The following MCFD2 variants were observed in gnomAD, a reference collection of about 807,000 sequenced individuals.
MCFD2 encodes multiple coagulation factor deficiency 2, ER cargo receptor complex subunit.
MCFD2 carries 11 observed loss-of-function variants against 12.8 expected under a neutral mutation model. The ratio of observed to expected loss-of-function variants is 0.86; its 90% CI spans 0.54 to 1.42. The LOEUF (loss-of-function observed/expected upper bound fraction) is 1.42. MCFD2 is among the 40% of genes most tolerant of loss of function. MCFD2 has a pLI of 0.00. For synonymous variants in MCFD2, 70 were observed against 68.1 expected, an observed-to-expected ratio of 1.03 and a Z score of -0.14; for missense variants, 191 against 178.6, an observed-to-expected ratio of 1.07 and a Z score of -0.40.
At chr2:46,916,150 T>C (rs1038319681), upstream of MCFD2, 4 of 985,408 alleles carry the variant, frequency 4.1e-6, no homozygotes, top group African/African-American at 7.0e-5. Flanking sequence ...CCAACTCCGC[T>C]CACCCCCTCC....
chr2:46,931,324 A>G (rs761417584), intron 1 of MCFD2, among the ~76,000 whole-genome samples: 2 of 152,242 alleles, frequency 1.3e-5, no homozygotes, highest in Non-Finnish European at 2.9e-5. Context: ...GGCCTCAAGC[A>G]ATCCTCTCGC....
At position 46,909,158 on chromosome 2, in the gene MCFD2, G is replaced by A. The variant is rs777983162; in HGVS notation, c.14C>T (p.Ser5Phe). Residue 5 changes from serine to phenylalanine, a missense_variant, in exon 2 of 4, where the codon TCC (serine) becomes TTC (phenylalanine). Ser to Phe is a radical substitution (Grantham distance 155, BLOSUM62 -2). Transcript: ENST00000319466. MTMR[S>F]LLRTPFLCGL... is the part of the protein sequence containing the mutation. ...ACACAGGAAGGGGGTTCTGAGCAGG[G>A]ATCTCATGGTCATCAATATCTGTGA... 1 of 1,614,056 alleles carries A rather than the reference G, an allele frequency of 6.2e-7. No homozygotes were observed. The highest frequency in any genetic ancestry group is 8.5e-7 in the Non-Finnish European group (1 of 1,179,946).
In MCFD2 at chr2:46,940,428, C is replaced by G. The variant is rs368584244; in HGVS notation, c.-8+1144G>C. Among the ~76,000 whole-genome samples, 308 of 152,298 alleles carry G rather than the reference C, an allele frequency of 2.0e-3. 3 individuals carry two copies. The South Asian group carries it at 0.027, about 14-fold the overall frequency. Reference sequence around the variant, plus strand: ...CCGGGCCCCTGTAAGAGGTCTCCCCCCAAGGGTGGACCTCGGCTGCCCCCG... The same window carrying G: ...CCGGGCCCCTGTAAGAGGTCTCCCCGCAAGGGTGGACCTCGGCTGCCCCCG... On this transcript the variant is annotated intron_variant, in intron 1 of 2. Coordinates refer to the MCFD2 transcript ENST00000409147. This position sits in a 1 kb window ranked among gnomAD's most constrained non-coding sequence, Gnocchi z 4.7.
At chr2:46,923,556 C>G (rs1350480469) in intron 1 of MCFD2, among the ~76,000 whole-genome samples, 1 of 151,968 alleles carries the variant, frequency 6.6e-6, no homozygotes. Context: ...TCTCTTTACT[C>G]TTTTTAACAC....
chr2:46,928,459 TAAAAAAAAAA>T (rs35897582), intron 1 of MCFD2, among the ~76,000 whole-genome samples: 3 of 81,990 alleles, frequency 3.7e-5, no homozygotes, highest in South Asian at 8.2e-4. Context: ...AAAGGGAAAT[TAAAAAAAAAA>T]AAAAAAAAAA....
At chr2:46,923,829 T>C (rs572039387) in intron 1 of MCFD2, among the ~76,000 whole-genome samples, 1 of 151,872 alleles carries the variant, frequency 6.6e-6, no homozygotes, top group South Asian at 2.1e-4. Context: ...GCCTCCCAGG[T>C]TCAAGCAAAT....
rs1343449612 is a variant in MCFD2 at position 46,908,949 on chromosome 2, A to C, written c.149+74T>G. 4 of 1,585,834 alleles carry C rather than the reference A, an allele frequency of 2.5e-6. No homozygotes were observed. Among genetic ancestry groups the C allele is most frequent in the Non-Finnish European group, 3.5e-6 (4 of 1,154,358 alleles). Reference sequence around the variant, plus strand: ...AACAGGAAGAAGGAAAGGAGGACTGAGCATGCCCTTGCCGCTGGCTCAGCT... The same window carrying C: ...AACAGGAAGAAGGAAAGGAGGACTGCGCATGCCCTTGCCGCTGGCTCAGCT... On this transcript the variant is annotated intron_variant, in intron 2 of 3. Transcript: ENST00000319466. This position sits in a 1 kb window ranked among gnomAD's most constrained non-coding sequence, Gnocchi z 4.5.
At chr2:46,923,321 A>C (rs1218915611) in intron 1 of MCFD2, among the ~76,000 whole-genome samples, 1 of 152,094 alleles carries the variant, frequency 6.6e-6, no homozygotes, top group East Asian at 1.9e-4. Context: ...CAACCTTCTA[A>C]TCACACCTTG....
chr2:46,915,773 G>GC lies in MCFD2; in HGVS notation c.-58dup. 1 of 943,758 alleles carries GC rather than the reference G, an allele frequency of 1.1e-6. No homozygotes were observed. The highest frequency in any genetic ancestry group is 1.2e-6 in the Non-Finnish European group (1 of 804,666). 58.5% of individuals were successfully genotyped at this position (943,758 alleles called of 1,614,324 possible). ...AAGCCCTCCAACGTGAGCCTCACCA[G>GC]CCCCCGTCCCCAAAACGCTCTTCCT... is the stretch of plus-strand genomic sequence containing the variant. On this transcript the variant is annotated 5_prime_UTR_variant, in exon 1 of 4. Transcript: ENST00000319466.
chr2:46,908,091 G>A lies in MCFD2; in HGVS notation c.150-122C>T. 1 of 1,030,990 alleles carries A rather than the reference G, an allele frequency of 9.7e-7. No individual in the cohort carries two copies. The highest frequency in any genetic ancestry group is 1.5e-6 in the Non-Finnish European group (1 of 682,766). The allele number at this position is 1,030,990 out of a possible 1,614,324, so 63.9% of individuals were successfully genotyped here. ...CAGCTCAGAAAAACAAACACCAGCAGTGGCAGACCACACTCAAGGATTACA... is the reference window on the plus strand; with the variant it reads ...CAGCTCAGAAAAACAAACACCAGCAATGGCAGACCACACTCAAGGATTACA... On this transcript the variant is annotated intron_variant, in intron 2 of 3. Coordinates refer to ENST00000319466, the MANE Select transcript of MCFD2 (RefSeq NM_139279.6). This position sits in a 1 kb window ranked among gnomAD's most constrained non-coding sequence, Gnocchi z 4.5.
chr2:46,935,330 A>G (rs932247328), intron 1 of MCFD2, among the ~76,000 whole-genome samples: 6 of 152,156 alleles, frequency 3.9e-5, no homozygotes, highest in African/African-American at 9.7e-5. Flanking sequence ...CTGTTGTATC[A>G]TGATCCTTGC....
In MCFD2 at chr2:46,908,950, G is replaced by T; in HGVS notation, c.149+73C>A. The T allele has an allele frequency of 1.3e-6, 2 of 1,584,710 alleles. No individual in the cohort carries two copies. The highest frequency in any genetic ancestry group is 1.7e-6 in the Non-Finnish European group (2 of 1,153,280). ...ACAGGAAGAAGGAAAGGAGGACTGAGCATGCCCTTGCCGCTGGCTCAGCTG... is the reference window on the plus strand; with the variant it reads ...ACAGGAAGAAGGAAAGGAGGACTGATCATGCCCTTGCCGCTGGCTCAGCTG... On this transcript the variant is annotated intron_variant, in intron 2 of 3. Transcript: ENST00000319466. This position sits in a 1 kb window ranked among gnomAD's most constrained non-coding sequence, Gnocchi z 4.5.
Position 46,940,915 on chromosome 2 carries a change from A to G in MCFD2, c.-8+657T>C, listed in dbSNP as rs1670276275. On this transcript the variant is annotated intron_variant, in intron 1 of 2. Coordinates refer to the MCFD2 transcript ENST00000409147. This position sits in a 1 kb window ranked among gnomAD's most constrained non-coding sequence, Gnocchi z 4.7. The stretch of plus-strand genomic sequence containing the variant: ...CAGCGGTGACGGGGCCACCACACAA[A>G]GCCAGGTCGTCGGGCAGTGGTCTCC... Among the ~76,000 whole-genome samples the G allele has an allele frequency of 6.6e-6, 1 of 152,026 alleles. No individual in the cohort carries two copies. The highest frequency in any genetic ancestry group is 1.5e-5 in the Non-Finnish European group (1 of 67,970).
intron 1 of MCFD2, among the ~76,000 whole-genome samples, chr2:46,932,078 T>C (rs933059704): frequency 2.0e-5 from 3 of 152,010 alleles, no homozygotes; most frequent in Non-Finnish European, 4.4e-5. Context: ...AAAAAACCTT[T>C]AACAAACTAG....
rs552510933 is a variant in MCFD2, at chr2:46,907,673, A to G, written c.309+137T>C. 20 of 953,814 alleles carry G rather than the reference A, an allele frequency of 2.1e-5. No individual in the cohort carries two copies. In the African/African-American group the frequency reaches 3.0e-4, roughly 15 times the overall value. The allele number at this position is 953,814 out of a possible 1,614,324, so 59.1% of individuals were successfully genotyped here. A position where few individuals can be genotyped will look rare whatever the true frequency, so the allele number is the denominator to read the frequency against. ...TGGCCTCCCAAAGTGCTGGGATTAC[A>G]GATGCGAGCCATCATGCCCAGTGGA... On this transcript the variant is annotated intron_variant, in intron 3 of 3. Transcript: ENST00000319466. This position sits in a 1 kb window ranked among gnomAD's most constrained non-coding sequence, Gnocchi z 4.1.
chr2:46,915,591 G>T, intron 1 of MCFD2, 132 bp downstream of exon 1: 1 of 191,890 alleles, frequency 5.2e-6, no homozygotes, highest in Non-Finnish European at 9.6e-6. Flanking sequence ...CCGGTTAAGC[G>T]TCCCGAGACG....
intron 1 of MCFD2, among the ~76,000 whole-genome samples, chr2:46,925,613 A>G (rs1669347773): frequency 6.6e-6 from 1 of 152,182 alleles, no homozygotes; most frequent in South Asian, 2.1e-4. Context: ...ACCTGACTGT[A>G]TCAACTGACT....
At chr2:46,917,743 C>G (rs1668888897), upstream of MCFD2, among the ~76,000 whole-genome samples, 4 of 152,214 alleles carry the variant, frequency 2.6e-5, no homozygotes, top group South Asian at 8.3e-4. Flanking sequence ...AATCTCCATG[C>G]AAATCTAGTG....
upstream of MCFD2, among the ~76,000 whole-genome samples, chr2:46,918,266 TTTTGA>T (rs756401126): frequency 2.6e-5 from 4 of 152,236 alleles, no homozygotes; most frequent in Non-Finnish European, 5.9e-5. Flanking sequence ...TACGAGCTGT[TTTTGA>T]TTTATCTCAT....
Sources: gnomAD v4.1 joint callset for allele counts (sites outside exome capture counted in the v4.1 genomes callset) on GRCh38, gnomAD v4.1.1 for gene constraint, Gnocchi (gnomAD v3.1) non-coding constraint, MANE v1.5 for transcripts, NCBI Gene and HGNC (gene_info 2026-07-23, HGNC 2026-07-21) for gene names.